The following TAF2 variants were observed in gnomAD, a reference collection of about 807,000 sequenced individuals.
TAF2 encodes the protein transcription initiation factor TFIID subunit 2.
In TAF2, 61 loss-of-function variants were observed where a neutral mutation model predicts 138.5. The ratio of observed to expected loss-of-function variants is 0.44; its 90% CI spans 0.36 to 0.54. The LOEUF is 0.54. TAF2 is among the 20% of genes least tolerant of loss of function. TAF2 has a pLI of 0.00. For missense variants in TAF2, 1,090 were observed against 1,427.9 expected (o/e 0.76, Z 3.81); for synonymous variants, 475 against 469.9 (o/e 1.01, Z -0.14).
In TAF2 at chr8:119,797,734, G is replaced by C; in HGVS notation, c.905C>G (p.Ser302Cys). The C allele has an allele frequency of 6.2e-7, 1 of 1,613,526 alleles. No individual in the cohort carries two copies. The highest frequency in any genetic ancestry group is 1.1e-5 in the South Asian group (1 of 91,048). ...ATCAATGAAGACAGTCTTAAAACAG[G>C]AGTATGGGTAACGACATGTAAGAAT... Reference protein sequence around the residue: ...EEILTCRYPYSCFKTVFIDEA... With the variant: ...EEILTCRYPYCCFKTVFIDEA... Residue 302 changes from serine to cysteine, a missense_variant, in exon 7 of 26, where the codon TCC becomes TGC. Transcript: ENST00000378164.
chr8:119,753,650 A>T (rs1336071580), intron 22 of TAF2, among the ~76,000 whole-genome samples: 1 of 152,192 alleles, frequency 6.6e-6, no homozygotes, highest in Non-Finnish European at 1.5e-5. Context: ...TAAATACTAA[A>T]CATCAGTCAC....
rs1212954086 is a variant in TAF2, at chr8:119,784,555, G to A, written c.1859+646C>T. Among the ~76,000 whole-genome samples the A allele has an allele frequency of 2.0e-5, 3 of 152,110 alleles. No homozygotes were observed. In the East Asian group the frequency reaches 5.8e-4, roughly 29 times the overall value. Reference sequence around the variant, plus strand: ...AACAAACATAATCTGTATATAAACAGCAGTGATAATCTGGCAATCAAGTTA... The same window carrying A: ...AACAAACATAATCTGTATATAAACAACAGTGATAATCTGGCAATCAAGTTA... On this transcript the variant is annotated intron_variant, in intron 15 of 25. Coordinates refer to ENST00000378164, the MANE Select transcript of TAF2 (RefSeq NM_003184.4).
In TAF2 at chr8:119,778,124, C is replaced by T. The variant is rs1399313121; in HGVS notation, c.2259G>A (p.Met753Ile). 6.3e-7 allele frequency: 1 copy of T among 1,590,758 alleles called. No homozygotes were observed. The highest frequency in any genetic ancestry group is 8.6e-7 in the Non-Finnish European group (1 of 1,164,082). ...SFQSYFLQKT[M>I]PVAMALLRDV... ...CTCTTAATAAAGCCATTGCAACTGGCATAGTCTACAAAAGAAAAAAAAGAA... is the reference window on the plus strand; with the variant it reads ...CTCTTAATAAAGCCATTGCAACTGGTATAGTCTACAAAAGAAAAAAAAGAA... The change falls in exon 18 of 26, where the codon ATG (methionine) becomes ATA (isoleucine). Residue 753 changes from methionine (M) to isoleucine (I), a missense_variant. By Grantham distance (10) the Met-to-Ile change is conservative. Transcript: ENST00000378164.
chr8:119,784,149 C>G (rs2131144633), intron 15 of TAF2, among the ~76,000 whole-genome samples: 1 of 152,282 alleles, frequency 6.6e-6, no homozygotes, highest in South Asian at 2.1e-4. Context: ...AAAATCTAGT[C>G]TATGTCGACA....
At chr8:119,813,967 T>A (rs1435477524) in intron 3 of TAF2, among the ~76,000 whole-genome samples, 2 of 151,708 alleles carry the variant, frequency 1.3e-5, no homozygotes, top group African/African-American at 4.8e-5. Flanking sequence ...AAATAAAAAA[T>A]TAATTAATTA....
chr8:119,789,700 TTCTGAGATGAAGCAG>T lies in TAF2; in HGVS notation c.1445_1459del (p.Thr482_Gln486del). On this transcript the variant is annotated inframe_deletion, in exon 12 of 26. Transcript: ENST00000378164. ...CTGACTCCACATATGTGACTGGAAC[TTCTGAGATGAAGCAG>T]TACTAGCCAGACTTAGCAGTTTATT... is the stretch of plus-strand genomic sequence containing the variant. 1.2e-6 allele frequency: 2 copies of T among 1,613,932 alleles called. No individual in the cohort carries two copies. The highest frequency in any genetic ancestry group is 1.7e-5 in the Admixed American group (1 of 60,020).
At chr8:119,746,193 G>A (rs1487488127) in intron 23 of TAF2, among the ~76,000 whole-genome samples, 1 of 151,830 alleles carries the variant, frequency 6.6e-6, no homozygotes, top group African/African-American at 2.4e-5. Flanking sequence ...CCAACATGGT[G>A]AAATTCCGTT....
chr8:119,746,972 C>T (rs1820019315), intron 22 of TAF2, 38 bp from the exon 23 acceptor site: 3 of 1,575,866 alleles, frequency 1.9e-6, no homozygotes, highest in Non-Finnish European at 2.6e-6. Context: ...TCAATATGCA[C>T]ATTGATTCAT....
intron 23 of TAF2, among the ~76,000 whole-genome samples, chr8:119,745,950 A>T (rs751130690): frequency 6.6e-5 from 10 of 152,134 alleles, no homozygotes; most frequent in Non-Finnish European, 1.3e-4. Flanking sequence ...AGCATTTGCC[A>T]GGCATTTATC....
chr8:119,819,626 A>G, intron 2 of TAF2, 120 bp from the exon 3 acceptor site: 15 of 750,664 alleles, frequency 2.0e-5, no homozygotes, highest in Non-Finnish European at 3.5e-5. Flanking sequence ...TAATAGCTAC[A>G]TACATACATA....
intron 18 of TAF2, among the ~76,000 whole-genome samples, chr8:119,773,276 A>G (rs540666451): frequency 1.3e-5 from 2 of 151,540 alleles, no homozygotes; most frequent in African/African-American, 4.8e-5. Context: ...ATTTCTATTT[A>G]TGTAAAAAAA....
intron 24 of TAF2, among the ~76,000 whole-genome samples, chr8:119,744,050 A>G (rs1819781421): frequency 1.3e-5 from 2 of 152,216 alleles, no homozygotes; most frequent in Non-Finnish European, 2.9e-5. Context: ...AAAGAATCTG[A>G]ATGATGGATT....
rs780379532 is a variant in TAF2, at chr8:119,803,999, G to T, written c.439C>A (p.His147Asn). The T allele has an allele frequency of 3.1e-6, 5 of 1,613,976 alleles. No individual in the cohort carries two copies. Among genetic ancestry groups the T allele is most frequent in the Non-Finnish European group, 3.4e-6 (4 of 1,179,998 alleles). The change falls in exon 5 of 26, where the codon CAC (histidine) becomes AAC (asparagine). Residue 147 changes from histidine (H) to asparagine (N), a missense_variant. Physicochemically the swap from His to Asn is moderately conservative, Grantham distance 68. Transcript: ENST00000378164. ...HVDELKVLKI[H>N]INFSLDQPKG... ...GGCTGATCCAAAGAAAAATTGATGT[G>T]TATCTTCAGGACCTTTAACTCTGCA...
intron 1 of TAF2, 141 bp from the exon 2 acceptor site, chr8:119,831,872 G>T (rs542187429): frequency 1.8e-6 from 1 of 567,308 alleles, no homozygotes; most frequent in Non-Finnish European, 2.8e-6. Flanking sequence ...TTAAAACTAC[G>T]AATTGGGGCC....
intron 17 of TAF2, among the ~76,000 whole-genome samples, chr8:119,778,654 T>G (rs1563864554): frequency 1.3e-5 from 2 of 152,224 alleles, no homozygotes; most frequent in African/African-American, 2.4e-5. Flanking sequence ...CAACCTTCAG[T>G]CTTAGAACAA....
chr8:119,761,866 G>A (rs1363867332), intron 19 of TAF2: 3 of 151,544 alleles, frequency 2.0e-5, no homozygotes, highest in African/African-American at 7.3e-5. Flanking sequence ...ACTTGTTACA[G>A]GAATAGTTTT....
chr8:119,742,789 G>C (rs1370425923), intron 24 of TAF2, 133 bp from the exon 25 acceptor site: 5 of 1,258,040 alleles, frequency 4.0e-6, no homozygotes, highest in South Asian at 3.9e-5. Flanking sequence ...TCTAACAATT[G>C]AAAGAATACT....
chr8:119,819,481 G>A lies in TAF2; in HGVS notation c.164C>T (p.Pro55Leu). 1 of 1,608,814 alleles carries A rather than the reference G, an allele frequency of 6.2e-7. No individual in the cohort carries two copies. Among genetic ancestry groups the A allele is most frequent in the Non-Finnish European group, 8.5e-7 (1 of 1,179,204 alleles). ...VVGFVELTIF[P>L]TVANLNRIKL... The stretch of plus-strand genomic sequence containing the variant: ...GATTCTATTCAAGTTTGCAACTGTG[G>A]GAAATATAGTCAGTTCCACAAATCC... Residue 55 changes from proline to leucine, a missense_variant, in exon 3 of 26, where the codon CCC becomes CTC. Around this residue, in one of 3 missense-constraint regions of TAF2, gnomAD observed 504 missense variants for 680.9 expected, o/e 0.74. Coordinates refer to ENST00000378164, the MANE Select transcript of TAF2 (RefSeq NM_003184.4).
rs1182468257 is a variant in TAF2 at position 119,731,772 on chromosome 8, T to C, written c.*152A>G. ...TTAGATCCCAACTGTATAAATAACATAAATCAAATGCTTAGAACTTAAATG... is the reference window on the plus strand; with the variant it reads ...TTAGATCCCAACTGTATAAATAACACAAATCAAATGCTTAGAACTTAAATG... On this transcript the variant is annotated 3_prime_UTR_variant, in exon 26 of 26. Transcript: ENST00000378164. The C allele has an allele frequency of 1.6e-5, 12 of 764,842 alleles. No homozygotes were observed. The highest frequency in any genetic ancestry group is 2.7e-5 in the Non-Finnish European group (12 of 451,296). The allele number at this position is 764,842 out of a possible 1,614,324, so 47.4% of individuals were successfully genotyped here.
Sources: gnomAD v4.1 joint callset for allele counts (sites outside exome capture counted in the v4.1 genomes callset) on GRCh38, gnomAD v4.1.1 for gene constraint, gnomAD v4.1.1 regional missense constraint, MANE v1.5 for transcripts, NCBI Gene and HGNC (gene_info 2026-07-23, HGNC 2026-07-21) for gene names.